The following FAM220A variants were observed in gnomAD, a reference collection of about 807,000 sequenced individuals.
FAM220A encodes protein FAM220A.
For synonymous variants in FAM220A, 141 were observed against 130.7 expected (o/e 1.08, Z -0.54); for missense variants, 392 against 321.6 (o/e 1.22, Z -1.68).
intron 1 of FAM220A, among the ~76,000 whole-genome samples, chr7:6,341,222 A>G (rs896996602): frequency 6.6e-6 from 1 of 151,356 alleles, no homozygotes; most frequent in Non-Finnish European, 1.5e-5. Context: ...AGGAGGGTAG[A>G]TCAGGAGGTC....
chr7:6,348,707 C>T lies in FAM220A; in HGVS notation c.-216G>A, dbSNP rs11550274. On this transcript the variant is annotated 5_prime_UTR_variant, in exon 1 of 2. Coordinates refer to ENST00000313324, the MANE Select transcript of FAM220A (RefSeq NM_001037163.2). ...TTGCAGAAGACCCCATAGGAGCGGGCGGCGGCCGAGCGCGAGAGCCGGACA... is the reference window on the plus strand; with the variant it reads ...TTGCAGAAGACCCCATAGGAGCGGGTGGCGGCCGAGCGCGAGAGCCGGACA... The T allele has an allele frequency of 4.7e-6, 2 of 425,814 alleles. No individual in the cohort carries two copies. Among genetic ancestry groups the T allele is most frequent in the Non-Finnish European group, 8.3e-6 (2 of 240,238 alleles). The allele number at this position is 425,814 out of a possible 1,614,324, so 26.4% of individuals were successfully genotyped here. A position where few individuals can be genotyped will look rare whatever the true frequency, so the allele number is the denominator to read the frequency against.
At chr7:6,346,571 G>A (rs1583242787) in intron 1 of FAM220A, among the ~76,000 whole-genome samples, 1 of 152,102 alleles carries the variant, frequency 6.6e-6, no homozygotes, top group African/African-American at 2.4e-5. Flanking sequence ...AGTAGAGACA[G>A]GGTTTCACCC....
chr7:6,332,107 C>T (rs1431199895), intron 1 of FAM220A, among the ~76,000 whole-genome samples: 1 of 122,422 alleles, frequency 8.2e-6, no homozygotes, highest in East Asian at 2.5e-4. Context: ...TAGACTCCAT[C>T]TCACGGAAAA....
At chr7:6,337,073 CTTT>C (rs1223883811) in intron 1 of FAM220A, among the ~76,000 whole-genome samples, 1 of 144,874 alleles carries the variant, frequency 6.9e-6, no homozygotes. Context: ...TATTTTAATT[CTTT>C]TTTTTTTTTT....
chr7:6,331,010 T>C lies in FAM220A; in HGVS notation c.145A>G (p.Lys49Glu). ...TGTGAATTTCCATCAACCACAGGCT[T>C]ATTCATCCAGGAGGGTGCATCTGCA... ...WPADAPSWMN[K>E]PVVDGNSQSE... is the part of the protein sequence containing the mutation. Residue 49 changes from lysine (K) to glutamate (E), a missense_variant, in exon 2 of 2, where the codon AAG becomes GAG. Transcript: ENST00000313324. 1 of 1,614,170 alleles carries C rather than the reference T, an allele frequency of 6.2e-7. No individual in the cohort carries two copies. The highest frequency in any genetic ancestry group is 8.5e-7 in the Non-Finnish European group (1 of 1,180,038).
intron 1 of FAM220A, among the ~76,000 whole-genome samples, chr7:6,344,717 C>A (rs117992137): frequency 0.023 from 3,436 of 152,102 alleles, 65 homozygotes; most frequent in Middle Eastern, 0.051. Flanking sequence ...CGGCACCTGG[C>A]CCACTCAATT....
At chr7:6,344,951 T>C (rs575110207) in intron 1 of FAM220A, among the ~76,000 whole-genome samples, 2 of 151,822 alleles carry the variant, frequency 1.3e-5, no homozygotes, top group South Asian at 2.1e-4. Context: ...ATGTTGGCCA[T>C]GCTGGTCTCA....
In FAM220A at chr7:6,330,313, C is replaced by T. The variant is rs569803607; in HGVS notation, c.*62G>A. Reference sequence around the variant, plus strand: ...GCACAGTTTGCATCCAGACTTAATGCGAAAGAAATCATTCTAAGACAACTC... The same window carrying T: ...GCACAGTTTGCATCCAGACTTAATGTGAAAGAAATCATTCTAAGACAACTC... On this transcript the variant is annotated 3_prime_UTR_variant, in exon 2 of 2. Coordinates refer to ENST00000313324, the MANE Select transcript of FAM220A (RefSeq NM_001037163.2). 5.4e-6 allele frequency: 8 copies of T among 1,487,608 alleles called. No individual in the cohort carries two copies. The highest frequency in any genetic ancestry group is 1.4e-5 in the African/African-American group (1 of 71,204). 92.2% of individuals were successfully genotyped at this position (1,487,608 alleles called of 1,614,324 possible). A position where few individuals can be genotyped will look rare whatever the true frequency, so the allele number is the denominator to read the frequency against.
rs1380095031 is a variant in FAM220A at position 6,329,465 on chromosome 7, C to G, written c.*910G>C. On this transcript the variant is annotated 3_prime_UTR_variant, in exon 2 of 2. Transcript: ENST00000313324. ...AACAAATTTTATTTTTCATTTTCCC[C>G]AAACACTAAAATAGCACATGGCATA... The G allele has an allele frequency of 2.0e-5, 3 of 152,516 alleles. No individual in the cohort carries two copies. Among genetic ancestry groups the G allele is most frequent in the Non-Finnish European group, 2.9e-5 (2 of 68,030 alleles). The allele number at this position is 152,516 out of a possible 1,614,324, so 9.4% of individuals were successfully genotyped here.
chr7:6,341,335 C>T (rs1409114999), intron 1 of FAM220A, among the ~76,000 whole-genome samples: 4 of 150,252 alleles, frequency 2.7e-5, no homozygotes, highest in South Asian at 2.1e-4. Flanking sequence ...CCCAGCTACT[C>T]GGGAGGCTGA....
chr7:6,348,097 A>G (rs1267910379), intron 1 of FAM220A, among the ~76,000 whole-genome samples: 1 of 150,214 alleles, frequency 6.7e-6, no homozygotes, highest in Non-Finnish European at 1.5e-5. Context: ...TTTAGTAGAG[A>G]CGGGGTTTCT....
intron 1 of FAM220A, among the ~76,000 whole-genome samples, chr7:6,340,965 TAA>T (rs149288000): frequency 6.9e-5 from 6 of 87,418 alleles, no homozygotes; most frequent in Non-Finnish European, 8.4e-5. Context: ...CTGTCTCTAC[TAA>T]AAAAAAAAAA....
chr7:6,346,048 C>T (rs914782958), intron 1 of FAM220A, among the ~76,000 whole-genome samples: 1 of 152,090 alleles, frequency 6.6e-6, no homozygotes, highest in African/African-American at 2.4e-5. Context: ...GGATTACAGG[C>T]ATGAGACACC....
At chr7:6,346,945 T>C (rs1261000842) in intron 1 of FAM220A, among the ~76,000 whole-genome samples, 1 of 152,166 alleles carries the variant, frequency 6.6e-6, no homozygotes. Context: ...CACAGAGGTA[T>C]GCAAATGGAA....
rs1781627028 is a variant in FAM220A at position 6,331,186 on chromosome 7, G to A, written c.-32C>T. The A allele has an allele frequency of 1.9e-6, 3 of 1,587,420 alleles. No individual in the cohort carries two copies. The highest frequency in any genetic ancestry group is 2.6e-6 in the Non-Finnish European group (3 of 1,167,018). On this transcript the variant is annotated 5_prime_UTR_variant, in exon 2 of 2. Transcript: ENST00000313324. Reference sequence around the variant, plus strand: ...TGTTCTTGGATGCGGTGGGCCTGAGGTCACGCCTTCGTCAGTCTGGGAGGG... The same window carrying A: ...TGTTCTTGGATGCGGTGGGCCTGAGATCACGCCTTCGTCAGTCTGGGAGGG...
chr7:6,348,951 G>C lies in FAM220A; in HGVS notation c.-460C>G, dbSNP rs1782011370. 7.9e-6 allele frequency: 3 copies of C among 378,946 alleles called. No homozygotes were observed. The highest frequency in any genetic ancestry group is 4.2e-5 in the African/African-American group (2 of 47,730). The allele number at this position is 378,946 out of a possible 1,614,324, so 23.5% of individuals were successfully genotyped here. On this transcript the variant is annotated 5_prime_UTR_variant, in exon 1 of 2. Transcript: ENST00000313324. ...CCTCCGCGAGCAGCCGCCTGTACCA[G>C]CCTGGCCGCGCAGCCTGACGTCACA... is the stretch of plus-strand genomic sequence containing the variant.
chr7:6,345,615 TTC>T lies in FAM220A; in HGVS notation c.-82+2956_-82+2957del, dbSNP rs200412748. On this transcript the variant is annotated intron_variant, in intron 1 of 1. Coordinates refer to ENST00000313324, the MANE Select transcript of FAM220A (RefSeq NM_001037163.2). ...CCAAAACAGCATCATGTAGCAGGTTTTCTCTTATAGCCATTCTTGTGATTTTT... is the reference window on the plus strand; with the variant it reads ...CCAAAACAGCATCATGTAGCAGGTTTTCTTATAGCCATTCTTGTGATTTTT... Among the ~76,000 whole-genome samples, 998 of 152,272 alleles carry T rather than the reference TTC, an allele frequency of 6.6e-3. 7 individuals carry two copies. The highest frequency in any genetic ancestry group is 0.014 in the Middle Eastern group (4 of 294).
In FAM220A at chr7:6,343,036, C is replaced by CAA. The variant is rs397933729; in HGVS notation, c.-82+5535_-82+5536dup. On this transcript the variant is annotated intron_variant, in intron 1 of 1. Transcript: ENST00000313324. The stretch of plus-strand genomic sequence containing the variant: ...TGGATGACAGAGGAAGACGCTTTCT[C>CAA]AAAAAAAAAAAAGAAAAAAGAAAGA... Among the ~76,000 whole-genome samples, 81 of 99,110 alleles carry CAA rather than the reference C, an allele frequency of 8.2e-4. No individual in the cohort carries two copies. In the South Asian group the frequency reaches 0.013, roughly 16 times the overall value. The allele number at this position is 99,110 out of a possible 152,430, so 65.0% of individuals were successfully genotyped here.
At position 6,343,716 on chromosome 7, in the gene FAM220A, T is replaced by C. The variant is rs375113585; in HGVS notation, c.-82+4857A>G. Among the ~76,000 whole-genome samples, 8 of 152,130 alleles carry C rather than the reference T, an allele frequency of 5.3e-5. No homozygotes were observed. The East Asian group carries it at 1.2e-3, about 22-fold the overall frequency. On this transcript the variant is annotated intron_variant, in intron 1 of 1. Coordinates refer to ENST00000313324, the MANE Select transcript of FAM220A (RefSeq NM_001037163.2). ...CTCAGTATACAACTGTCTGCATCAT[T>C]TTCTCATTTAATCATCTTTCATCCT...
Sources: gnomAD v4.1 joint callset for allele counts (sites outside exome capture counted in the v4.1 genomes callset) on GRCh38, gnomAD v4.1.1 for gene constraint, MANE v1.5 for transcripts, NCBI Gene and HGNC (gene_info 2026-07-23, HGNC 2026-07-21) for gene names.